Variants in MRC2 observed in about 807,000 individuals in gnomAD.
MRC2 encodes the protein C-type mannose receptor 2.
MRC2 carries 84 observed loss-of-function variants against 206.2 expected under a neutral mutation model. That is an observed-to-expected ratio of 0.41 (90% CI 0.34 to 0.49). The LOEUF (loss-of-function observed/expected upper bound fraction) is 0.49. Among genes scored for constraint, MRC2 ranks in the 20% least tolerant of loss-of-function variants. The pLI is 0.31. For missense variants in MRC2, 1,676 were observed against 2,001.5 expected, an observed-to-expected ratio of 0.84 and a Z score of 3.10; for synonymous variants, 798 against 800.0, an observed-to-expected ratio of 1.00 and a Z score of 0.04.
Position 62,665,883 on chromosome 17 carries a change from G to A in MRC2, c.521-211G>A, listed in dbSNP as rs570245865. On this transcript the variant is annotated intron_variant, in intron 2 of 29. Transcript: ENST00000303375. The stretch of plus-strand genomic sequence containing the variant: ...GGGAGCCCCTTCCCAGCCCTATGAG[G>A]TGTGCAGCAAGACCTCTCTCTGGTT... Among the ~76,000 whole-genome samples, 9 of 152,280 alleles carry A rather than the reference G, an allele frequency of 5.9e-5. No individual in the cohort carries two copies. The East Asian group carries it at 1.7e-3, about 29-fold the overall frequency.
intron 1 of MRC2, among the ~76,000 whole-genome samples, chr17:62,632,083 G>C (rs1259840922): frequency 6.6e-6 from 1 of 152,090 alleles, no homozygotes; most frequent in East Asian, 1.9e-4. Flanking sequence ...GTGGGCCAGT[G>C]GGGTGGTGAC....
intron 20 of MRC2, among the ~76,000 whole-genome samples, chr17:62,686,115 A>G (rs1479278712): frequency 1.3e-5 from 2 of 152,094 alleles, no homozygotes; most frequent in African/African-American, 4.8e-5. Flanking sequence ...GGAGCACGCA[A>G]CCTAGATCCC....
In MRC2 at chr17:62,664,913, G is replaced by A. The variant is rs368122647; in HGVS notation, c.484G>A (p.Gly162Ser). 1.7e-5 allele frequency: 28 copies of A among 1,612,232 alleles called. No homozygotes were observed. Among genetic ancestry groups the A allele is most frequent in the African/African-American group, 1.3e-4 (10 of 75,056 alleles). ...QTRSGQWRIY[G>S]SEEDLCALPY... ...CCGCAGTGGCCAGTGGCGCATCTAC[G>A]GCAGCGAGGAGGACCTATGTGCTCT... is the stretch of plus-strand genomic sequence containing the variant. Residue 162 changes from glycine to serine, a missense_variant, in exon 2 of 30, where the codon GGC (glycine) becomes AGC (serine). Gly to Ser is a moderately conservative substitution (Grantham distance 56). Coordinates refer to ENST00000303375, the MANE Select transcript of MRC2 (RefSeq NM_006039.5). This position sits in a 1 kb window ranked among gnomAD's most constrained non-coding sequence, Gnocchi z 4.7.
chr17:62,690,017 A>G lies in MRC2; in HGVS notation c.3697A>G (p.Ser1233Gly). The stretch of plus-strand genomic sequence containing the variant: ...TGTGGACGGGGCCTGGCGCACCACC[A>G]GCTGTGACACCAAGCTGCAGGGGGC... ...VDVDGAWRTT[S>G]CDTKLQGAVC... is the part of the protein sequence containing the mutation. Residue 1233 changes from serine to glycine, a missense_variant, in exon 25 of 30, where the codon AGC becomes GGC. Physicochemically the swap from Ser to Gly is moderately conservative, Grantham distance 56 (BLOSUM62 0). Transcript: ENST00000303375. 6.2e-7 allele frequency: 1 copy of G among 1,610,948 alleles called. No homozygotes were observed. The highest frequency in any genetic ancestry group is 8.5e-7 in the Non-Finnish European group (1 of 1,178,848).
intron 1 of MRC2, among the ~76,000 whole-genome samples, chr17:62,640,037 T>TG (rs2088380414): frequency 1.2e-5 from 1 of 84,928 alleles, no homozygotes; most frequent in Non-Finnish European, 2.4e-5. Flanking sequence ...TTTTTTTTTT[T>TG]TTTTGTATTT....
intron 20 of MRC2, among the ~76,000 whole-genome samples, chr17:62,683,285 A>G (rs975812990): frequency 6.6e-6 from 1 of 151,784 alleles, no homozygotes; most frequent in African/African-American, 2.4e-5. Flanking sequence ...CCTGACCAAC[A>G]TGGAGAAACC....
At chr17:62,669,494 G>T (rs1280286843) in intron 6 of MRC2, among the ~76,000 whole-genome samples, 3 of 151,712 alleles carry the variant, frequency 2.0e-5, no homozygotes, top group Non-Finnish European at 4.4e-5. Context: ...GGGATTACAG[G>T]CGTGAGCCAC....
rs1353616902 is a variant in MRC2 at position 62,654,868 on chromosome 17, G to A, written c.119-9680G>A. Among the ~76,000 whole-genome samples, 5 of 152,344 alleles carry A rather than the reference G, an allele frequency of 3.3e-5. No individual in the cohort carries two copies. The East Asian group carries it at 5.8e-4, about 18-fold the overall frequency. On this transcript the variant is annotated intron_variant, in intron 1 of 29. Transcript: ENST00000303375. ...GAAATATTCCTATCAAACTAGACAC[G>A]GTGGCTCACACCTAGAAATCCTGCA...
rs977725755 is a variant in MRC2, at chr17:62,674,137, G to C, written c.1536G>C (p.Gln512His). Residue 512 changes from glutamine to histidine, a missense_variant, in exon 9 of 30, where the codon CAG becomes CAC. Gln to His is a conservative substitution (Grantham distance 24, BLOSUM62 0). Transcript: ENST00000303375. ...GCAAGAAGGCAGGCCAGCTGAGCCA[G>C]GGGGCCGCCGAGGAGGACCATGGCT... ...SICKKAGQLS[Q>H]GAAEEDHGCR... The C allele has an allele frequency of 1.9e-6, 3 of 1,552,612 alleles. No homozygotes were observed. The African/African-American group carries it at 4.1e-5, about 21-fold the overall frequency.
At position 62,627,758 on chromosome 17, in the gene MRC2, C is replaced by T; in HGVS notation, c.-45C>T. 1 of 1,340,934 alleles carries T rather than the reference C, an allele frequency of 7.5e-7. No homozygotes were observed. Among genetic ancestry groups the T allele is most frequent in the Non-Finnish European group, 9.6e-7 (1 of 1,046,154 alleles). The allele number at this position is 1,340,934 out of a possible 1,614,324, so 83.1% of individuals were successfully genotyped here. A position where few individuals can be genotyped will look rare whatever the true frequency, so the allele number is the denominator to read the frequency against. On this transcript the variant is annotated 5_prime_UTR_variant, in exon 1 of 30. Transcript: ENST00000303375. Reference sequence around the variant, plus strand: ...TCGGGGCTGCCACAGCGCGTTGCGCCTGTGCGCCCTCGGTCCCCGCGTCCA... The same window carrying T: ...TCGGGGCTGCCACAGCGCGTTGCGCTTGTGCGCCCTCGGTCCCCGCGTCCA...
chr17:62,643,327 CAAAAAAAA>C (rs59698063), intron 1 of MRC2, among the ~76,000 whole-genome samples: 2 of 44,162 alleles, frequency 4.5e-5, no homozygotes, highest in African/African-American at 5.8e-5. Context: ...GAAACTCCGT[CAAAAAAAA>C]AAAAAAAAAA....
intron 1 of MRC2, among the ~76,000 whole-genome samples, chr17:62,649,169 C>A (rs932734437): frequency 2.0e-5 from 3 of 152,356 alleles, no homozygotes; most frequent in Admixed American, 6.5e-5. Flanking sequence ...CATGGTGCCT[C>A]CTGGAGGTGG....
chr17:62,650,526 G>A (rs1166429553), intron 1 of MRC2, among the ~76,000 whole-genome samples: 1 of 152,174 alleles, frequency 6.6e-6, no homozygotes, highest in Non-Finnish European at 1.5e-5. Context: ...GCTGGAGTCC[G>A]CTCTGGAATA....
At chr17:62,641,010 AT>A (rs891587341) in intron 1 of MRC2, among the ~76,000 whole-genome samples, 207 of 144,802 alleles carry the variant, frequency 1.4e-3, no homozygotes, top group Middle Eastern at 3.5e-3. Flanking sequence ...GCCCGGCCTA[AT>A]TTTTTTTTTT....
intron 20 of MRC2, among the ~76,000 whole-genome samples, chr17:62,686,777 T>C (rs1040207039): frequency 5.3e-5 from 8 of 152,356 alleles, no homozygotes; most frequent in Admixed American, 1.3e-4. Flanking sequence ...AAGTTTATGA[T>C]GAATTCTACT....
intron 20 of MRC2, among the ~76,000 whole-genome samples, chr17:62,683,092 CTAA>C (rs1238581474): frequency 1.5e-5 from 2 of 133,478 alleles, no homozygotes; most frequent in Non-Finnish European, 3.5e-5. Flanking sequence ...ACTAATATGA[CTAA>C]TATTATATAT....
Position 62,666,641 on chromosome 17 carries a change from G to A in MRC2, c.859+22G>A, listed in dbSNP as rs1416052873. The A allele has an allele frequency of 6.4e-7, 1 of 1,551,392 alleles. No individual in the cohort carries two copies. On this transcript the variant is annotated intron_variant, in intron 4 of 29. Coordinates refer to ENST00000303375, the MANE Select transcript of MRC2 (RefSeq NM_006039.5). This position sits in a 1 kb window ranked among gnomAD's most constrained non-coding sequence, Gnocchi z 5.0. ...AACGGTGAGCCGGGGCCTGATGCCTGCTCGTGCCTCTGGAGGGCCCGGGCC... is the reference window on the plus strand; with the variant it reads ...AACGGTGAGCCGGGGCCTGATGCCTACTCGTGCCTCTGGAGGGCCCGGGCC...
rs1478264551 is a variant in MRC2 at position 62,666,003 on chromosome 17, G to A, written c.521-91G>A. 2 of 1,369,136 alleles carry A rather than the reference G, an allele frequency of 1.5e-6. No individual in the cohort carries two copies. The highest frequency in any genetic ancestry group is 2.9e-5 in the African/African-American group (2 of 68,430). The allele number at this position is 1,369,136 out of a possible 1,614,324, so 84.8% of individuals were successfully genotyped here. Reference sequence around the variant, plus strand: ...GATCCCTGTGAACACCCAGCACTCTGGGTTTTAGGGGATTTCTCCTGAGGG... The same window carrying A: ...GATCCCTGTGAACACCCAGCACTCTAGGTTTTAGGGGATTTCTCCTGAGGG... On this transcript the variant is annotated intron_variant, in intron 2 of 29. Transcript: ENST00000303375. This position sits in a 1 kb window ranked among gnomAD's most constrained non-coding sequence, Gnocchi z 5.0.
chr17:62,679,312 A>G (rs1376198964), intron 13 of MRC2: 1 of 158,406 alleles, frequency 6.3e-6, no homozygotes, highest in African/African-American at 2.4e-5. Flanking sequence ...TGCTAAACAT[A>G]TAGTCCTCAC....
Sources: allele counts gnomAD v4.1 joint callset (sites outside exome capture counted in the v4.1 genomes callset), GRCh38; gene constraint gnomAD v4.1.1; non-coding constraint Gnocchi (gnomAD v3.1); transcripts MANE v1.5; gene names NCBI Gene and HGNC (gene_info 2026-07-23, HGNC 2026-07-21).